Variants in HSPA14 observed in about 807,000 individuals in gnomAD.
HSPA14 encodes heat shock protein family A (Hsp70) member 14.
Under a neutral mutation model 65.5 loss-of-function variants are expected in HSPA14, and 37 were observed. The observed-to-expected ratio is 0.56, with a 90% CI of 0.43 to 0.74. The LOEUF is 0.74. Among genes scored for constraint, HSPA14 ranks in the 30% least tolerant of loss-of-function variants. The probability of loss-of-function intolerance (pLI) is 0.00; values close to 1 mark genes in which losing one functional copy is unlikely to be tolerated. For missense variants in HSPA14, 564 were observed against 607.6 expected, an observed-to-expected ratio of 0.93 and a Z score of 0.75; for synonymous variants, 203 against 214.2, an observed-to-expected ratio of 0.95 and a Z score of 0.46.
In HSPA14 at chr10:14,848,256, C is replaced by T. The variant is rs974073335; in HGVS notation, c.222-353C>T. On this transcript the variant is annotated intron_variant, in intron 3 of 13. Transcript: ENST00000378372. The stretch of plus-strand genomic sequence containing the variant: ...TGCCTTTAGTTTGCAACTTTCTCAT[C>T]TCAGTGGTTGGGTCTTCAGAATCAT... Among the ~76,000 whole-genome samples the T allele has an allele frequency of 2.6e-5, 4 of 152,290 alleles. No homozygotes were observed. The East Asian group carries it at 5.8e-4, about 22-fold the overall frequency.
chr10:14,844,673 T>G, intron 3 of HSPA14: 1 of 978,324 alleles, frequency 1.0e-6, no homozygotes, highest in Non-Finnish European at 1.2e-6. Context: ...GTGTTACGGT[T>G]TATATCGATA....
chr10:14,867,707 G>A, intron 11 of HSPA14, 29 bp from the exon 12 acceptor site: 1 of 1,588,602 alleles, frequency 6.3e-7, no homozygotes, highest in Non-Finnish European at 8.5e-7. Context: ...AAATACCAAA[G>A]AGTATGCACC....
At chr10:14,844,206 G>A in intron 3 of HSPA14, 1 of 1,148,206 alleles carries the variant, frequency 8.7e-7, no homozygotes, top group Non-Finnish European at 1.1e-6. Flanking sequence ...TCCGTAAAAT[G>A]GGGATCAATA....
Position 14,851,312 on chromosome 10 carries a change from T to A in HSPA14, c.561T>A (p.Pro187=). 4 of 1,595,832 alleles carry A rather than the reference T, an allele frequency of 2.5e-6. No individual in the cohort carries two copies. Among genetic ancestry groups the A allele is most frequent in the Non-Finnish European group, 2.6e-6 (3 of 1,164,340 alleles). Residue 187 remains proline (P), a synonymous_variant, in exon 7 of 14, where the codon CCT becomes CCA. Coordinates refer to ENST00000378372, the MANE Select transcript of HSPA14 (RefSeq NM_016299.4). ...LLAYGIGQDS[P]TGKSNILVFK... ...CTTATGGAATTGGACAAGACTCCCCTACTGGAAAAAGGTAAAGATCATATT... is the reference window on the plus strand; with the variant it reads ...CTTATGGAATTGGACAAGACTCCCCAACTGGAAAAAGGTAAAGATCATATT...
chr10:14,843,308 C>T (rs1833998830), intron 3 of HSPA14: 12 of 1,540,012 alleles, frequency 7.8e-6, no homozygotes, highest in Non-Finnish European at 1.1e-5. Context: ...AGCTCTGCTG[C>T]TGGCTCCAAG....
intron 10 of HSPA14, among the ~76,000 whole-genome samples, chr10:14,866,318 T>G (rs1024705339): frequency 6.6e-6 from 1 of 152,228 alleles, no homozygotes; most frequent in African/African-American, 2.4e-5. Context: ...TACTTCATAC[T>G]GAACGTGAAA....
chr10:14,849,373 G>C (rs1256869303), intron 5 of HSPA14: 1 of 488,968 alleles, frequency 2.0e-6, no homozygotes, highest in Admixed American at 2.3e-5. Context: ...GGGTTGGAAG[G>C]CAGGCTTTAA....
intron 9 of HSPA14, 25 bp downstream of exon 9, chr10:14,854,305 T>A: frequency 6.5e-7 from 1 of 1,550,312 alleles, no homozygotes; most frequent in South Asian, 1.2e-5. Context: ...CAAAAAACTT[T>A]TTTAAAAAAT....
At chr10:14,840,758 G>A (rs1833962837) in intron 3 of HSPA14, among the ~76,000 whole-genome samples, 2 of 152,106 alleles carry the variant, frequency 1.3e-5, no homozygotes, top group Non-Finnish European at 2.9e-5. Context: ...AATAATTAGG[G>A]GTTTTCATTT....
Position 14,842,139 on chromosome 10 carries a change from A to G in HSPA14, c.221+1982A>G, listed in dbSNP as rs1350344292. ...ATTCCCCTGTGGCCTTCCAGCCAGA[A>G]ATGCGGTCCTTGGACCTGGCTTCTC... is the stretch of plus-strand genomic sequence containing the variant. On this transcript the variant is annotated intron_variant, in intron 3 of 13. Coordinates refer to ENST00000378372, the MANE Select transcript of HSPA14 (RefSeq NM_016299.4). The surrounding 1 kb of genome is among the most constrained non-coding windows in gnomAD (Gnocchi z 5.2). The G allele has an allele frequency of 6.5e-6, 10 of 1,533,908 alleles. No homozygotes were observed. Among genetic ancestry groups the G allele is most frequent in the Non-Finnish European group, 7.0e-6 (8 of 1,146,254 alleles).
At chr10:14,840,439 T>G (rs1435173524) in intron 3 of HSPA14, among the ~76,000 whole-genome samples, 1 of 152,208 alleles carries the variant, frequency 6.6e-6, no homozygotes, top group Non-Finnish European at 1.5e-5. Flanking sequence ...TTAGATTTTT[T>G]TTAACTGAGA....
rs149629555 is a variant in HSPA14, at chr10:14,850,295, A to G, written c.467+484A>G. Among the ~76,000 whole-genome samples the G allele has an allele frequency of 8.3e-3, 1,259 of 152,034 alleles. 22 individuals are homozygous for G. Among genetic ancestry groups the G allele is most frequent in the African/African-American group, 0.029 (1,186 of 41,452 alleles). On this transcript the variant is annotated intron_variant, in intron 6 of 13. Coordinates refer to ENST00000378372, the MANE Select transcript of HSPA14 (RefSeq NM_016299.4). ...AAAAAAAAAAAAAAGCCAAGAGAAC[A>G]TAAAATTAAATATGGTGTACCTTCA...
intron 10 of HSPA14, among the ~76,000 whole-genome samples, chr10:14,857,337 T>C (rs1832711521): frequency 6.6e-6 from 1 of 152,190 alleles, no homozygotes; most frequent in Non-Finnish European, 1.5e-5. Flanking sequence ...TAAGACTATT[T>C]TTACCTCAAG....
chr10:14,871,388 T>C, intron 13 of HSPA14, 140 bp from the exon 14 acceptor site: 1 of 596,010 alleles, frequency 1.7e-6, no homozygotes, highest in East Asian at 3.2e-5. Context: ...TGAGATTGTG[T>C]TTATTCTTTA....
chr10:14,860,634 G>T (rs1832743408), intron 10 of HSPA14, among the ~76,000 whole-genome samples: 1 of 152,076 alleles, frequency 6.6e-6, no homozygotes, highest in South Asian at 2.1e-4. Context: ...AGCAGGGAGG[G>T]TAACAGGGGC....
In HSPA14 at chr10:14,867,739, G is replaced by C. The variant is rs187027693; in HGVS notation, c.1210G>C (p.Val404Leu). ...CSARDILVKG[V>L]DESGASRFTV... ...CACCTTGTTTCCTGCTAACTAGGGT[G>C]TGGACGAATCAGGAGCCAGTAGATT... Residue 404 changes from valine (V) to leucine (L), a missense_variant, in exon 12 of 14, where the codon GTG becomes CTG. Physicochemically the swap from Val to Leu is conservative, Grantham distance 32 (BLOSUM62 1). Transcript: ENST00000378372. The C allele has an allele frequency of 2.0e-5, 33 of 1,613,024 alleles. No homozygotes were observed. The Admixed American group carries it at 5.0e-4, about 25-fold the overall frequency.
chr10:14,844,176 T>C, intron 3 of HSPA14: 1 of 1,242,600 alleles, frequency 8.0e-7, no homozygotes, highest in East Asian at 4.4e-5. Flanking sequence ...GCAGTTTACC[T>C]CCCTCCAGTG....
rs773045153 is a variant in HSPA14, at chr10:14,851,265, G to A, written c.514G>A (p.Glu172Lys). 6.2e-7 allele frequency: 1 copy of A among 1,612,640 alleles called. No individual in the cohort carries two copies. Among genetic ancestry groups the A allele is most frequent in the Non-Finnish European group, 8.5e-7 (1 of 1,178,994 alleles). The stretch of plus-strand genomic sequence containing the variant: ...ATTTAATGTTTTGCGATTAATTCAC[G>A]AACCGTCTGCAGCTCTTCTTGCTTA... ...AGFNVLRLIH[E>K]PSAALLAYGI... is the part of the protein sequence containing the mutation. The change falls in exon 7 of 14, where the codon GAA becomes AAA. Residue 172 changes from glutamate (E) to lysine (K), a missense_variant. Physicochemically the swap from Glu to Lys is moderately conservative, Grantham distance 56. Coordinates refer to ENST00000378372, the MANE Select transcript of HSPA14 (RefSeq NM_016299.4).
intron 10 of HSPA14, among the ~76,000 whole-genome samples, chr10:14,859,247 C>T (rs887061455): frequency 6.6e-6 from 1 of 152,130 alleles, no homozygotes; most frequent in African/African-American, 2.4e-5. Context: ...GAGGGAGAAG[C>T]TGGGGGTGGG....
Sources: allele counts gnomAD v4.1 joint callset (sites outside exome capture counted in the v4.1 genomes callset), GRCh38; gene constraint gnomAD v4.1.1; non-coding constraint Gnocchi (gnomAD v3.1); transcripts MANE v1.5; gene names NCBI Gene and HGNC (gene_info 2026-07-23, HGNC 2026-07-21).